ASCC3: variants seen among roughly 807,000 people sequenced by gnomAD.
ASCC3 encodes the protein ASC-1 complex subunit P200.
A neutral mutation model predicts 256.3 loss-of-function variants in ASCC3; 158 were observed. The ratio of observed to expected loss-of-function variants is 0.62; its 90% CI spans 0.54 to 0.70. The LOEUF is 0.70. ASCC3 is among the 30% of genes least tolerant of loss of function. ASCC3 has a pLI of 0.00. For missense variants in ASCC3, 2,259 were observed against 2,626.0 expected (o/e 0.86, Z 3.05); for synonymous variants, 948 against 883.4 (o/e 1.07, Z -1.30).
intron 14 of ASCC3, among the ~76,000 whole-genome samples, chr6:100,671,763 C>T (rs1476237363): frequency 6.6e-6 from 1 of 151,976 alleles, no homozygotes. Context: ...AGAAAAAACA[C>T]AATGTCAATG....
At chr6:100,723,863 TATATATA>T (rs1779463076) in intron 11 of ASCC3, among the ~76,000 whole-genome samples, 2 of 6,710 alleles carry the variant, frequency 3.0e-4, no homozygotes, top group Admixed American at 9.7e-4. Context: ...TAGGGAATTA[TATATATA>T]TATATATATA....
chr6:100,564,789 T>C (rs1004208598), intron 36 of ASCC3, among the ~76,000 whole-genome samples: 3 of 151,804 alleles, frequency 2.0e-5, no homozygotes, highest in Non-Finnish European at 4.4e-5. Flanking sequence ...ATCTTCCAAA[T>C]AGGAGAAAAT....
At chr6:100,648,174 C>T (rs1775481545) in intron 20 of ASCC3, among the ~76,000 whole-genome samples, 1 of 152,086 alleles carries the variant, frequency 6.6e-6, no homozygotes, top group Non-Finnish European at 1.5e-5. Flanking sequence ...AGATTCTAGA[C>T]TCAGTGGTCT....
chr6:100,549,259 G>T (rs1238410264), intron 36 of ASCC3, among the ~76,000 whole-genome samples: 1 of 151,932 alleles, frequency 6.6e-6, no homozygotes, highest in African/African-American at 2.4e-5. Flanking sequence ...ATATTATTTG[G>T]AACATTCTGT....
intron 4 of ASCC3, among the ~76,000 whole-genome samples, chr6:100,835,576 G>C (rs538871849): frequency 1.3e-5 from 2 of 152,114 alleles, no homozygotes; most frequent in East Asian, 3.9e-4. Context: ...AAATCAGTTG[G>C]CTATAAGCCC....
chr6:100,837,884 T>C (rs1462560741), intron 4 of ASCC3, among the ~76,000 whole-genome samples: 2 of 151,966 alleles, frequency 1.3e-5, no homozygotes, highest in Non-Finnish European at 2.9e-5. Context: ...GAAAAGAGGA[T>C]TTTTAATGTA....
At chr6:100,851,198 A>G (rs964210675) in intron 3 of ASCC3, among the ~76,000 whole-genome samples, 3 of 152,146 alleles carry the variant, frequency 2.0e-5, no homozygotes, top group Non-Finnish European at 4.4e-5. Context: ...TCTAACTCCT[A>G]AACAAGTTAT....
chr6:100,525,184 G>C (rs972860178), intron 37 of ASCC3, among the ~76,000 whole-genome samples: 3 of 86,298 alleles, frequency 3.5e-5, no homozygotes, highest in Non-Finnish European at 7.4e-5. Flanking sequence ...AAAAAAAAAA[G>C]AAAGAAAGAA....
Position 100,509,666 on chromosome 6 carries a change from C to T in ASCC3, c.6462-133G>A, listed in dbSNP as rs1407139329. The T allele has an allele frequency of 2.2e-5, 20 of 919,786 alleles. 1 individual carries two copies. The Admixed American group carries it at 2.7e-4, about 12-fold the overall frequency. 57.0% of individuals were successfully genotyped at this position (919,786 alleles called of 1,614,324 possible). On this transcript the variant is annotated intron_variant, in intron 41 of 41. Coordinates refer to ENST00000369162, the MANE Select transcript of ASCC3 (RefSeq NM_006828.4). ...CTGTAATCCCAGCACTTTGGGAGGC[C>T]GAGGCGGGCGGATCACGAGGTCAGG...
At chr6:100,519,372 T>G (rs1774191208) in intron 37 of ASCC3, among the ~76,000 whole-genome samples, 1 of 152,156 alleles carries the variant, frequency 6.6e-6, no homozygotes, top group Admixed American at 6.5e-5. Context: ...GGTATATTTA[T>G]ATATGTGTGT....
chr6:100,653,639 G>A (rs912127407), intron 17 of ASCC3, among the ~76,000 whole-genome samples: 1 of 151,154 alleles, frequency 6.6e-6, no homozygotes, highest in South Asian at 2.1e-4. Flanking sequence ...CTGGAGTGCA[G>A]TGGCGTGATC....
chr6:100,635,373 A>G (rs953941776), intron 25 of ASCC3, among the ~76,000 whole-genome samples: 4 of 152,142 alleles, frequency 2.6e-5, no homozygotes, highest in African/African-American at 9.6e-5. Flanking sequence ...TCACTTACAC[A>G]TGGAATTTTT....
chr6:100,702,025 T>C (rs1303952782), intron 13 of ASCC3, among the ~76,000 whole-genome samples: 1 of 152,158 alleles, frequency 6.6e-6, no homozygotes, highest in Non-Finnish European at 1.5e-5. Flanking sequence ...TGGGCCCTTA[T>C]ACAGGAACTT....
intron 8 of ASCC3, among the ~76,000 whole-genome samples, chr6:100,771,396 T>C (rs944187787): frequency 2.0e-5 from 3 of 152,126 alleles, no homozygotes; most frequent in Non-Finnish European, 4.4e-5. Context: ...AAATAAAATC[T>C]ATAAACAAAT....
intron 39 of ASCC3, among the ~76,000 whole-genome samples, chr6:100,514,716 C>T (rs1008202781): frequency 2.6e-5 from 4 of 152,056 alleles, no homozygotes; most frequent in Non-Finnish European, 5.9e-5. Context: ...TAATCTTCAT[C>T]TATTGAATCA....
chr6:100,635,225 TAC>T lies in ASCC3; in HGVS notation c.4122+3374_4122+3375del, dbSNP rs747934251. ...TATATATATATATGTGATATATATG[TAC>T]ACACACACACACAATGAAATATTAT... On this transcript the variant is annotated intron_variant, in intron 25 of 41. Coordinates refer to ENST00000369162, the MANE Select transcript of ASCC3 (RefSeq NM_006828.4). Among the ~76,000 whole-genome samples the T allele has an allele frequency of 1.3e-4, 20 of 151,426 alleles. 1 individual carries two copies. Among genetic ancestry groups the T allele is most frequent in the East Asian group, 3.9e-4 (2 of 5,176 alleles).
chr6:100,765,669 C>A (rs899983993), intron 10 of ASCC3, among the ~76,000 whole-genome samples: 1 of 152,182 alleles, frequency 6.6e-6, no homozygotes, highest in African/African-American at 2.4e-5. Context: ...ACATTGAGCA[C>A]ATGTCATCAG....
At chr6:100,773,327 T>G (rs1299513160) in intron 8 of ASCC3, among the ~76,000 whole-genome samples, 1 of 152,170 alleles carries the variant, frequency 6.6e-6, no homozygotes, top group African/African-American at 2.4e-5. Flanking sequence ...TGCAGCTATT[T>G]CCAGTTTTTA....
chr6:100,634,585 T>G (rs1489864485), intron 25 of ASCC3, among the ~76,000 whole-genome samples: 3 of 152,054 alleles, frequency 2.0e-5, no homozygotes, highest in African/African-American at 7.2e-5. Flanking sequence ...GCAAAATATC[T>G]GAATACATAT....
Sources: gnomAD v4.1 joint callset for allele counts (sites outside exome capture counted in the v4.1 genomes callset) on GRCh38, gnomAD v4.1.1 for gene constraint, MANE v1.5 for transcripts, NCBI Gene and HGNC (gene_info 2026-07-23, HGNC 2026-07-21) for gene names.